MGST1: variants seen among roughly 807,000 people sequenced by gnomAD.
MGST1 encodes the protein microsomal glutathione S-transferase 1, also known as glutathione S-transferase 12.
A neutral mutation model predicts 8.9 loss-of-function variants in MGST1; 5 were observed. That is an observed-to-expected ratio of 0.56 (90% CI 0.29 to 1.19). MGST1 has a LOEUF of 1.19. MGST1 is among the 50% of genes most tolerant of loss of function. The pLI is 0.08. For synonymous variants in MGST1, 54 were observed against 67.8 expected (o/e 0.80, Z 1.00); for missense variants, 182 against 187.4 (o/e 0.97, Z 0.17).
intron 1 of MGST1, among the ~76,000 whole-genome samples, chr12:16,386,438 CTG>C (rs1246202219): frequency 2.0e-5 from 3 of 152,198 alleles, no homozygotes; most frequent in Admixed American, 2.0e-4. Context: ...ATTACTCAGA[CTG>C]TGCAGAAATC....
rs763486904 is a variant in MGST1 at position 16,389,560 on chromosome 12, G to A, written n.778+5956G>A. On this transcript the variant is annotated intron_variant and non_coding_transcript_variant, in intron 1 of 1. Coordinates refer to the MGST1 transcript ENST00000359720. The surrounding 1 kb of genome is among the most constrained non-coding windows in gnomAD (Gnocchi z 4.6). The stretch of plus-strand genomic sequence containing the variant: ...TTCCCTGCCCTTCTTAGGATAGCCA[G>A]TAGAAAAATGGGGTTTCCCTGGATT... Among the ~76,000 whole-genome samples the A allele has an allele frequency of 4.3e-4, 65 of 152,156 alleles. No individual in the cohort carries two copies. The highest frequency in any genetic ancestry group is 5.3e-4 in the Non-Finnish European group (36 of 68,034).
chr12:16,570,310 C>G (rs1005997840), intron 4 of MGST1, among the ~76,000 whole-genome samples: 1 of 152,104 alleles, frequency 6.6e-6, no homozygotes, highest in Admixed American at 6.6e-5. Flanking sequence ...TAATTACCTT[C>G]TTTTCTATCT....
intron 4 of MGST1, among the ~76,000 whole-genome samples, chr12:16,507,819 A>T (rs1351847946): frequency 6.6e-6 from 1 of 152,108 alleles, no homozygotes; most frequent in Non-Finnish European, 1.5e-5. Context: ...ATCACCTCCC[A>T]TTAGCCCCCT....
chr12:16,590,280 G>A (rs1376105100), downstream of MGST1, among the ~76,000 whole-genome samples: 1 of 152,042 alleles, frequency 6.6e-6, no homozygotes, highest in Non-Finnish European at 1.5e-5. Flanking sequence ...TAGGTTAGTG[G>A]TGAGAAATAT....
At chr12:16,529,600 G>C (rs10744128) in intron 4 of MGST1, among the ~76,000 whole-genome samples, 5 of 151,726 alleles carry the variant, frequency 3.3e-5, no homozygotes, top group African/African-American at 1.2e-4. Context: ...TAACCCCATC[G>C]CCTCCTGGTG....
At chr12:16,447,233 T>A (rs1941087137) in intron 4 of MGST1, among the ~76,000 whole-genome samples, 1 of 151,914 alleles carries the variant, frequency 6.6e-6, no homozygotes, top group Non-Finnish European at 1.5e-5. Flanking sequence ...ATGTCCTGCC[T>A]CCTTGATCAA....
intron 3 of MGST1, among the ~76,000 whole-genome samples, chr12:16,375,768 G>A (rs939934769): frequency 6.6e-6 from 1 of 151,748 alleles, no homozygotes; most frequent in African/African-American, 2.4e-5. Flanking sequence ...ACAAAACAAA[G>A]ATAATTATTT....
intron 4 of MGST1, among the ~76,000 whole-genome samples, chr12:16,459,869 C>T (rs373059117): frequency 3.9e-5 from 6 of 151,968 alleles, no homozygotes; most frequent in Non-Finnish European, 7.4e-5. Context: ...TCTCCCGTGG[C>T]GGTTTTGCTT....
rs9332945 is a variant in MGST1 at position 16,364,137 on chromosome 12, G to A, written c.*96G>A. 342 of 1,455,464 alleles carry A rather than the reference G, an allele frequency of 2.3e-4. 7 individuals are homozygous for A. The South Asian group carries it at 4.9e-3, about 21-fold the overall frequency. The allele number at this position is 1,455,464 out of a possible 1,614,324, so 90.2% of individuals were successfully genotyped here. A position where few individuals can be genotyped will look rare whatever the true frequency, so the allele number is the denominator to read the frequency against. On this transcript the variant is annotated 3_prime_UTR_variant, in exon 4 of 4. Coordinates refer to ENST00000396210, the MANE Select transcript of MGST1 (RefSeq NM_020300.5). The surrounding 1 kb of genome is among the most constrained non-coding windows in gnomAD (Gnocchi z 5.7). Reference sequence around the variant, plus strand: ...TTCTTAGATTTTAGGTAGGAGGGGAGCAGAGGAATTATGAACTGGGGTAAA... The same window carrying A: ...TTCTTAGATTTTAGGTAGGAGGGGAACAGAGGAATTATGAACTGGGGTAAA...
rs147007221 is a variant in MGST1, at chr12:16,533,743, G to A, written n.483-55785G>A. On this transcript the variant is annotated intron_variant and non_coding_transcript_variant, in intron 4 of 4. Transcript: ENST00000538857. ...GGGATGCAAAAAAAAAAAAAAGTTT[G>A]TGATCAATTACTCACAGTAACGTGA... is the stretch of plus-strand genomic sequence containing the variant. Among the ~76,000 whole-genome samples, 670 of 151,390 alleles carry A rather than the reference G, an allele frequency of 4.4e-3. 9 individuals carry two copies. Among genetic ancestry groups the A allele is most frequent in the African/African-American group, 0.015 (638 of 41,224 alleles).
chr12:16,585,884 C>T lies in MGST1; in HGVS notation n.483-3644C>T, dbSNP rs530239253. ...ATATGATTCACAGGCCCAAGTAAAA[C>T]ATCATTTAGTCATTTATAGTCTCAG... On this transcript the variant is annotated intron_variant and non_coding_transcript_variant, in intron 4 of 4. Transcript: ENST00000538857. This position sits in a 1 kb window ranked among gnomAD's most constrained non-coding sequence, Gnocchi z 4.7. 1.1e-4 allele frequency among the ~76,000 whole-genome samples: 16 copies of T among 152,228 alleles called. No homozygotes were observed. Among genetic ancestry groups the T allele is most frequent in the African/African-American group, 3.9e-4 (16 of 41,536 alleles).
At chr12:16,366,595 G>GGTT (rs1940192417), downstream of MGST1, among the ~76,000 whole-genome samples, 1 of 151,048 alleles carries the variant, frequency 6.6e-6, no homozygotes, top group African/African-American at 2.4e-5. The surrounding 1 kb of genome is among the most constrained non-coding windows in gnomAD (Gnocchi z 4.0). Flanking sequence ...CAAAGATTGT[G>GGTT]GTTATCTTTC....
intron 1 of MGST1, among the ~76,000 whole-genome samples, chr12:16,429,983 A>G (rs1222670521): frequency 2.0e-5 from 3 of 152,210 alleles, no homozygotes; most frequent in Admixed American, 6.5e-5. Flanking sequence ...ATTGGAGTCA[A>G]TTCTTTCAAA....
rs1442457552 is a variant in MGST1, at chr12:16,401,827, T to C, written n.778+18223T>C. The C allele has an allele frequency of 5.0e-6, 8 of 1,604,758 alleles. No homozygotes were observed. Among genetic ancestry groups the C allele is most frequent in the Non-Finnish European group, 6.8e-6 (8 of 1,171,424 alleles). On this transcript the variant is annotated intron_variant and non_coding_transcript_variant, in intron 1 of 1. Transcript: ENST00000359720. This position sits in a 1 kb window ranked among gnomAD's most constrained non-coding sequence, Gnocchi z 4.3. ...TCAACTATTTCCATGACTCTTTCCT[T>C]GAAGAATTTGTTGAAGACTTCAGAA...
intron 4 of MGST1, among the ~76,000 whole-genome samples, chr12:16,583,948 C>T (rs1353103977): frequency 6.6e-6 from 1 of 152,156 alleles, no homozygotes; most frequent in Non-Finnish European, 1.5e-5. Flanking sequence ...AGTGCTATTA[C>T]AAGTGAAACA....
rs547862395 is a variant in MGST1, at chr12:16,483,966, A to G, written n.482+100362A>G. 3.4e-3 allele frequency among the ~76,000 whole-genome samples: 523 copies of G among 152,360 alleles called. 3 individuals carry two copies. The highest frequency in any genetic ancestry group is 0.012 in the African/African-American group (507 of 41,576). The stretch of plus-strand genomic sequence containing the variant: ...TTCTAGGCATAAAACAAATATAAAC[A>G]TATTTCAAAAAAGTAATATCATATT... On this transcript the variant is annotated intron_variant and non_coding_transcript_variant, in intron 4 of 4. Coordinates refer to the MGST1 transcript ENST00000538857.
rs1242240934 is a variant in MGST1 at position 16,369,833 on chromosome 12, C to T, written c.222-6289C>T. The T allele has an allele frequency of 2.0e-5, 3 of 152,224 alleles. No homozygotes were observed. Among genetic ancestry groups the T allele is most frequent in the Admixed American group, 2.0e-4 (3 of 15,284 alleles). 9.4% of individuals were successfully genotyped at this position (152,224 alleles called of 1,614,324 possible). A position where few individuals can be genotyped will look rare whatever the true frequency, so the allele number is the denominator to read the frequency against. On this transcript the variant is annotated intron_variant, in intron 3 of 3. Transcript: ENST00000535309. The surrounding 1 kb of genome is among the most constrained non-coding windows in gnomAD (Gnocchi z 4.8). ...ACAGGAAATGGAACTGCATAAATCT[C>T]CTTTCAAGAGTCTGCAATCATTACA...
At chr12:16,483,001 TAA>T (rs1044710810) in intron 4 of MGST1, among the ~76,000 whole-genome samples, 3 of 152,194 alleles carry the variant, frequency 2.0e-5, no homozygotes, top group African/African-American at 4.8e-5. Flanking sequence ...CATTCTGTCA[TAA>T]AAAACAGCTT....
At chr12:16,443,228 A>T (rs1941052525), downstream of MGST1, among the ~76,000 whole-genome samples, 1 of 151,714 alleles carries the variant, frequency 6.6e-6, no homozygotes, top group African/African-American at 2.4e-5. Flanking sequence ...TTATTTTCAG[A>T]TTACCTTATA....
Sources: gnomAD v4.1 joint callset for allele counts (sites outside exome capture counted in the v4.1 genomes callset) on GRCh38, gnomAD v4.1.1 for gene constraint, Gnocchi (gnomAD v3.1) non-coding constraint, MANE v1.5 for transcripts, NCBI Gene and HGNC (gene_info 2026-07-23, HGNC 2026-07-21) for gene names.